The following HIF1A variants were observed in gnomAD, a reference collection of about 807,000 sequenced individuals.
The protein encoded by HIF1A is hypoxia inducible factor 1 subunit alpha.
Under a neutral mutation model 92.7 loss-of-function variants are expected in HIF1A, and 24 were observed. The observed-to-expected ratio is 0.26, with a 90% CI of 0.19 to 0.36. The LOEUF (loss-of-function observed/expected upper bound fraction) is 0.36. Among genes scored for constraint, HIF1A ranks in the 10% least tolerant of loss-of-function variants. The pLI is 1.00. For synonymous variants in HIF1A, 319 were observed against 338.7 expected, an observed-to-expected ratio of 0.94 and a Z score of 0.64; for missense variants, 799 against 998.5, an observed-to-expected ratio of 0.80 and a Z score of 2.69.
intron 14 of HIF1A, 101 bp downstream of exon 14, chr14:61,745,918 A>C: frequency 8.9e-7 from 1 of 1,120,500 alleles, no homozygotes; most frequent in East Asian, 2.4e-5. Flanking sequence ...TTGGTTCCTT[A>C]GCAAGATTAA....
At chr14:61,704,588 A>T (rs1487836518) in intron 1 of HIF1A, among the ~76,000 whole-genome samples, 1 of 152,196 alleles carries the variant, frequency 6.6e-6, no homozygotes, top group Non-Finnish European at 1.5e-5. Context: ...CTTTGTAGCT[A>T]ACATAGTTAA....
intron 1 of HIF1A, among the ~76,000 whole-genome samples, chr14:61,702,491 T>C (rs2044189626): frequency 2.3e-5 from 2 of 86,012 alleles, no homozygotes; most frequent in Non-Finnish European, 3.5e-5. Flanking sequence ...TAGTTCCCTG[T>C]CTGAGATTCA....
At chr14:61,727,721 C>A in intron 6 of HIF1A, 66 bp downstream of exon 6, 2 of 1,202,620 alleles carry the variant, frequency 1.7e-6, no homozygotes, top group Non-Finnish European at 2.5e-6. Flanking sequence ...GAATATTCAC[C>A]ATAGCAAAGA....
intron 14 of HIF1A, 119 bp downstream of exon 14, chr14:61,745,936 A>G (rs1270088113): frequency 2.1e-6 from 2 of 963,546 alleles, no homozygotes; most frequent in Non-Finnish European, 3.1e-6. Flanking sequence ...TAAAAAGTAA[A>G]GTTGTGGCTG....
chr14:61,740,942 C>T lies in HIF1A; in HGVS notation c.1847C>T (p.Thr616Ile). 6.2e-7 allele frequency: 1 copy of T among 1,614,124 alleles called. No individual in the cohort carries two copies. The highest frequency in any genetic ancestry group is 8.5e-7 in the Non-Finnish European group (1 of 1,179,970). Residue 616 changes from threonine to isoleucine, a missense_variant, in exon 12 of 15, where the codon ACT becomes ATT. This residue lies in a region of HIF1A where 283 missense variants were observed against 277.5 expected (regional missense o/e 1.02). Coordinates refer to ENST00000337138, the MANE Select transcript of HIF1A (RefSeq NM_001530.4). ...CAAGAACCTACTGCTAATGCCACCA[C>T]TACCACTGCCACCACTGATGAATTA... ...QIQEPTANAT[T>I]TTATTDELKT...
At chr14:61,738,704 A>G (rs1396325760) in intron 10 of HIF1A, among the ~76,000 whole-genome samples, 1 of 152,162 alleles carries the variant, frequency 6.6e-6, no homozygotes, top group Non-Finnish European at 1.5e-5. Context: ...AGTGTGCTCA[A>G]GGTAGCTACA....
Position 61,713,177 on chromosome 14 carries a change from G to T in HIF1A, c.36-7205G>T, listed in dbSNP as rs536585911. Among the ~76,000 whole-genome samples the T allele has an allele frequency of 3.7e-4, 57 of 152,224 alleles. 1 individual carries two copies. The South Asian group carries it at 0.011, about 30-fold the overall frequency. ...AAGAGGTGGACAGGGAACTAGGTAA[G>T]GGAGGGCTTCCTTTTAAATAATTAG... On this transcript the variant is annotated intron_variant, in intron 1 of 14. Coordinates refer to ENST00000337138, the MANE Select transcript of HIF1A (RefSeq NM_001530.4).
At position 61,747,460 on chromosome 14, in the gene HIF1A, A is replaced by G. The variant is rs1266893123; in HGVS notation, c.*375A>G. 1 of 156,104 alleles carries G rather than the reference A, an allele frequency of 6.4e-6. No homozygotes were observed. The highest frequency in any genetic ancestry group is 2.4e-5 in the African/African-American group (1 of 41,592). 9.7% of individuals were successfully genotyped at this position (156,104 alleles called of 1,614,324 possible). ...AAGGCAGTAACCTTTCATCATGATCATAGGCAGTTGAAAAATTTTTACACC... is the reference window on the plus strand; with the variant it reads ...AAGGCAGTAACCTTTCATCATGATCGTAGGCAGTTGAAAAATTTTTACACC... On this transcript the variant is annotated 3_prime_UTR_variant, in exon 15 of 15. Transcript: ENST00000337138.
At chr14:61,699,700 A>G (rs1384229536) in intron 1 of HIF1A, among the ~76,000 whole-genome samples, 6 of 152,170 alleles carry the variant, frequency 3.9e-5, no homozygotes, top group African/African-American at 1.4e-4. Context: ...TGAGTTTCCA[A>G]TCAAGAAATT....
intron 1 of HIF1A, among the ~76,000 whole-genome samples, chr14:61,713,213 G>C (rs910247281): frequency 7.9e-5 from 12 of 152,146 alleles, no homozygotes; most frequent in Admixed American, 7.9e-4. Context: ...ACCTTGTCCT[G>C]TGTACATTTA....
chr14:61,731,673 A>G (rs1383703815), intron 6 of HIF1A, among the ~76,000 whole-genome samples: 1 of 152,254 alleles, frequency 6.6e-6, no homozygotes, highest in Non-Finnish European at 1.5e-5. Flanking sequence ...AAGTTACTAC[A>G]TAAAGAATTT....
At chr14:61,732,903 G>A (rs914843963) in intron 7 of HIF1A, among the ~76,000 whole-genome samples, 2 of 152,076 alleles carry the variant, frequency 1.3e-5, no homozygotes, top group African/African-American at 2.4e-5. Context: ...ATCACCTTTG[G>A]TAATAAGTAC....
At chr14:61,715,205 G>C (rs111844442) in intron 1 of HIF1A, among the ~76,000 whole-genome samples, 26 of 152,130 alleles carry the variant, frequency 1.7e-4, no homozygotes, top group African/African-American at 6.3e-4. Flanking sequence ...TGGCATTACC[G>C]GAAGGGATTA....
At chr14:61,706,935 C>T (rs1350386954) in intron 1 of HIF1A, among the ~76,000 whole-genome samples, 1 of 152,148 alleles carries the variant, frequency 6.6e-6, no homozygotes, top group Non-Finnish European at 1.5e-5. Flanking sequence ...ATATATACCA[C>T]AGGTCAACCA....
intron 1 of HIF1A, among the ~76,000 whole-genome samples, chr14:61,701,786 G>A (rs1052185488): frequency 1.5e-4 from 23 of 150,922 alleles, no homozygotes; most frequent in African/African-American, 5.1e-4. Context: ...TCAGGAGTTC[G>A]AGACCAGCCT....
At chr14:61,728,940 A>G (rs1185670903) in intron 6 of HIF1A, among the ~76,000 whole-genome samples, 2 of 152,134 alleles carry the variant, frequency 1.3e-5, no homozygotes, top group African/African-American at 4.8e-5. Context: ...AGGGAAGTAA[A>G]TTTTTCATTT....
chr14:61,724,349 T>TTCTCTCTCTCTCTCTCTC (rs147642291), intron 4 of HIF1A, among the ~76,000 whole-genome samples: 2,486 of 96,026 alleles, frequency 0.026, 264 homozygotes, highest in East Asian at 0.07. Context: ...CACACACACA[T>TTCTCTCTCTCTCTCTCTC]TCTCTCTCTC....
chr14:61,740,275 C>T, intron 10 of HIF1A: 1 of 260,954 alleles, frequency 3.8e-6, no homozygotes, highest in Non-Finnish European at 7.3e-6. Context: ...CCATGTTGGC[C>T]AGGATGGTCT....
chr14:61,746,454 G>A (rs751013834), intron 14 of HIF1A, among the ~76,000 whole-genome samples: 5 of 140,798 alleles, frequency 3.6e-5, no homozygotes, highest in Non-Finnish European at 7.5e-5. Flanking sequence ...CTGGAGTGCA[G>A]TGGCATGATC....
Sources: allele counts gnomAD v4.1 joint callset (sites outside exome capture counted in the v4.1 genomes callset), GRCh38; gene constraint gnomAD v4.1.1; regional missense constraint gnomAD v4.1.1; transcripts MANE v1.5; gene names NCBI Gene and HGNC (gene_info 2026-07-23, HGNC 2026-07-21).